GRIA4: variants seen among roughly 807,000 people sequenced by gnomAD.
The protein encoded by GRIA4 is glutamate receptor 4.
In GRIA4, 34 loss-of-function variants were observed where a neutral mutation model predicts 104.0. The ratio of observed to expected loss-of-function variants is 0.33; its 90% confidence interval spans 0.25 to 0.44. The LOEUF (loss-of-function observed/expected upper bound fraction) is 0.44. Among genes scored for constraint, GRIA4 ranks in the 20% least tolerant of loss-of-function variants. The probability of loss-of-function intolerance (pLI) is 1.00; values close to 1 mark genes in which losing one functional copy is unlikely to be tolerated. For missense variants in GRIA4, 750 were observed against 1,096.5 expected, an observed-to-expected ratio of 0.68 and a Z score of 4.46; for synonymous variants, 386 against 381.9, an observed-to-expected ratio of 1.01 and a Z score of -0.13.
intron 3 of GRIA4, among the ~76,000 whole-genome samples, chr11:105,701,151 C>T (rs995307627): frequency 3.3e-5 from 5 of 152,170 alleles, no homozygotes; most frequent in South Asian, 2.1e-4. Flanking sequence ...AGGCACTTTT[C>T]GTCTGTGCCC....
At chr11:105,783,744 TTGTGTGTG>T (rs56222983) in intron 4 of GRIA4, among the ~76,000 whole-genome samples, 48,199 of 145,312 alleles carry the variant, frequency 0.33, 7,528 homozygotes, top group South Asian at 0.41. Context: ...TGGATGTTAT[TTGTGTGTG>T]TGTGTGTGTG....
chr11:105,815,435 G>A (rs1176310713), intron 4 of GRIA4, among the ~76,000 whole-genome samples: 2 of 152,010 alleles, frequency 1.3e-5, no homozygotes, highest in Non-Finnish European at 1.5e-5. Context: ...AAGGTAGATG[G>A]GAATGTTTCC....
chr11:105,632,294 A>G (rs1951053750), intron 3 of GRIA4, among the ~76,000 whole-genome samples: 1 of 152,154 alleles, frequency 6.6e-6, no homozygotes, highest in African/African-American at 2.4e-5. Flanking sequence ...TTTAGCTGAC[A>G]CCCCATCTCA....
chr11:105,909,388 G>T (rs531463421), intron 9 of GRIA4, among the ~76,000 whole-genome samples: 18 of 152,234 alleles, frequency 1.2e-4, no homozygotes, highest in African/African-American at 4.3e-4. Flanking sequence ...ATTCAAGAAA[G>T]AAGTTTGTCA....
intron 4 of GRIA4, among the ~76,000 whole-genome samples, chr11:105,764,189 T>G (rs1802400211): frequency 6.6e-6 from 1 of 152,172 alleles, no homozygotes; most frequent in Non-Finnish European, 1.5e-5. Context: ...CAGGCTGGAA[T>G]GCAGTGGCAT....
chr11:105,936,413 CAGGTCTTT>C lies in GRIA4; in HGVS notation c.2294+2449_2294+2456del, dbSNP rs1477346617. Among the ~76,000 whole-genome samples the C allele has an allele frequency of 9.9e-5, 15 of 152,178 alleles. No homozygotes were observed. In the East Asian group the frequency reaches 2.7e-3, roughly 27 times the overall value. On this transcript the variant is annotated intron_variant, in intron 14 of 16. Coordinates refer to ENST00000282499, the MANE Select transcript of GRIA4 (RefSeq NM_000829.4). ...CCAAAACAATCTATCTTTTTTTAAT[CAGGTCTTT>C]AGGTTAATAGTTCTGGATGTAGTGA...
intron 4 of GRIA4, among the ~76,000 whole-genome samples, chr11:105,840,013 C>A (rs1944337566): frequency 6.6e-6 from 1 of 152,136 alleles, no homozygotes; most frequent in African/African-American, 2.4e-5. Flanking sequence ...GCTAAGTCTG[C>A]AACAACTAGA....
intron 4 of GRIA4, among the ~76,000 whole-genome samples, chr11:105,781,467 T>A (rs1242296318): frequency 6.6e-6 from 1 of 152,202 alleles, no homozygotes; most frequent in Non-Finnish European, 1.5e-5. Context: ...TTTTTAACCA[T>A]AAGTTACGTT....
At chr11:105,972,295 G>A (rs1411860981) in intron 15 of GRIA4, among the ~76,000 whole-genome samples, 4 of 151,962 alleles carry the variant, frequency 2.6e-5, no homozygotes, top group Admixed American at 1.3e-4. Context: ...TCAAACTTAC[G>A]TACCACTCAT....
chr11:105,666,052 T>C (rs1317492872), intron 3 of GRIA4, among the ~76,000 whole-genome samples: 1 of 152,070 alleles, frequency 6.6e-6, no homozygotes, highest in African/African-American at 2.4e-5. Context: ...ACATCTTATT[T>C]TGAATTTGTA....
chr11:105,644,020 T>C (rs1951449257), intron 3 of GRIA4, among the ~76,000 whole-genome samples: 1 of 152,146 alleles, frequency 6.6e-6, no homozygotes. Flanking sequence ...CTCCTGGCCC[T>C]TGCCTTGGTT....
chr11:105,815,861 T>C (rs1273527581), intron 4 of GRIA4, among the ~76,000 whole-genome samples: 1 of 152,210 alleles, frequency 6.6e-6, no homozygotes, highest in Non-Finnish European at 1.5e-5. Flanking sequence ...AGACATTTCA[T>C]ATGATTTAGT....
chr11:105,814,865 G>T (rs1018951899), intron 4 of GRIA4, among the ~76,000 whole-genome samples: 10 of 152,060 alleles, frequency 6.6e-5, no homozygotes, highest in African/African-American at 2.2e-4. Context: ...CAAAAATGGG[G>T]TAGATCTTAT....
chr11:105,633,474 AT>A (rs1005740485), intron 3 of GRIA4, among the ~76,000 whole-genome samples: 1 of 152,180 alleles, frequency 6.6e-6, no homozygotes, highest in African/African-American at 2.4e-5. Flanking sequence ...CTTAGTAAAA[AT>A]TGTACTAAAC....
intron 4 of GRIA4, among the ~76,000 whole-genome samples, chr11:105,812,854 C>A (rs756810990): frequency 1.3e-5 from 2 of 152,100 alleles, no homozygotes; most frequent in Non-Finnish European, 2.9e-5. Context: ...TTAATCCCAG[C>A]ACTTTGGCAG....
chr11:105,731,724 G>A (rs886377323), intron 3 of GRIA4, among the ~76,000 whole-genome samples: 1 of 152,104 alleles, frequency 6.6e-6, no homozygotes, highest in Non-Finnish European at 1.5e-5. Context: ...CATGTACTTT[G>A]CAGGGACATG....
intron 5 of GRIA4, among the ~76,000 whole-genome samples, chr11:105,877,974 T>C (rs1945896004): frequency 6.6e-6 from 1 of 152,196 alleles, no homozygotes; most frequent in African/African-American, 2.4e-5. Flanking sequence ...TGTGATCCTT[T>C]GGAGGAGAAG....
chr11:105,915,842 C>T (rs942301106), intron 10 of GRIA4, among the ~76,000 whole-genome samples: 3 of 152,198 alleles, frequency 2.0e-5, no homozygotes, highest in Admixed American at 6.6e-5. Context: ...CAATTAATTG[C>T]ACATATTCTG....
At chr11:105,672,643 G>A (rs919869866) in intron 3 of GRIA4, among the ~76,000 whole-genome samples, 2 of 151,990 alleles carry the variant, frequency 1.3e-5, no homozygotes, top group Non-Finnish European at 2.9e-5. Context: ...GTATTAATCC[G>A]TATTTCCAAC....
Sources: allele counts gnomAD v4.1 joint callset (sites outside exome capture counted in the v4.1 genomes callset), GRCh38; gene constraint gnomAD v4.1.1; transcripts MANE v1.5; gene names NCBI Gene and HGNC (gene_info 2026-07-23, HGNC 2026-07-21).